The following RABEPK variants were observed in gnomAD, a reference collection of about 807,000 sequenced individuals.
RABEPK encodes the protein 40 kDa Rab9 effector protein.
Under a neutral mutation model 34.1 loss-of-function variants are expected in RABEPK, and 27 were observed. The observed-to-expected ratio is 0.79, with a 90% CI of 0.58 to 1.09. RABEPK has a LOEUF of 1.09. Ranked by LOEUF, RABEPK falls within the 50% of genes least tolerant of loss-of-function variation. RABEPK has a pLI of 0.00. For synonymous variants in RABEPK, 172 were observed against 169.2 expected (o/e 1.02, Z -0.13); for missense variants, 449 against 462.6 (o/e 0.97, Z 0.27).
At chr9:125,230,860 A>AT (rs1832124040) in intron 6 of RABEPK, among the ~76,000 whole-genome samples, 3 of 151,710 alleles carry the variant, frequency 2.0e-5, no homozygotes, top group Non-Finnish European at 4.4e-5. Flanking sequence ...TTTACACAAA[A>AT]CCATTCCTTG....
In RABEPK at chr9:125,227,895, A is replaced by C; in HGVS notation, c.527-15A>C. The C allele has an allele frequency of 6.6e-7, 1 of 1,521,316 alleles. No homozygotes were observed. Among genetic ancestry groups the C allele is most frequent in the Non-Finnish European group, 8.9e-7 (1 of 1,128,798 alleles). 94.2% of individuals were successfully genotyped at this position (1,521,316 alleles called of 1,614,324 possible). ...ATAGTTTTGCCATTTGATGTTATTG[A>C]ATTTACTTTTCTAGACACTCTGACC... On this transcript the variant is annotated splice_polypyrimidine_tract_variant and intron_variant, in intron 5 of 7. Transcript: ENST00000373538.
In RABEPK at chr9:125,220,579, A is replaced by G. The variant is rs1439220401; in HGVS notation, c.405A>G (p.Pro135=). Residue 135 remains proline (P), a synonymous_variant, in exon 5 of 8, where the codon CCA becomes CCG. Transcript: ENST00000373538. ...CCACGCCAGAAGTGACCAGCCCCCC[A>G]CCATCCCCAAGAACATTCCACACAT... ...TWTTPEVTSP[P]PSPRTFHTSS... is the part of the protein sequence containing the mutation. 13 of 1,613,890 alleles carry G rather than the reference A, an allele frequency of 8.1e-6. No individual in the cohort carries two copies. Among genetic ancestry groups the G allele is most frequent in the Non-Finnish European group, 1.0e-5 (12 of 1,179,980 alleles).
intron 6 of RABEPK, among the ~76,000 whole-genome samples, chr9:125,230,981 A>G (rs1345477245): frequency 6.6e-6 from 1 of 152,124 alleles, no homozygotes; most frequent in Non-Finnish European, 1.5e-5. Context: ...CTCTAAATCT[A>G]AAATCCAGTG....
chr9:125,232,536 A>G lies in RABEPK; in HGVS notation c.677-60A>G, dbSNP rs193298690. The G allele has an allele frequency of 2.3e-5, 35 of 1,536,100 alleles. No homozygotes were observed. In the Middle Eastern group the frequency reaches 1.1e-3, roughly 48 times the overall value. On this transcript the variant is annotated intron_variant, in intron 6 of 7. Transcript: ENST00000373538. Reference sequence around the variant, plus strand: ...TTGGTGTGCAAACTACAGTAGATAGATAAGTTTGAAAGCACATCTTAGCCC... The same window carrying G: ...TTGGTGTGCAAACTACAGTAGATAGGTAAGTTTGAAAGCACATCTTAGCCC...
chr9:125,208,575 G>A (rs1023013017), intron 3 of RABEPK, among the ~76,000 whole-genome samples: 4 of 149,670 alleles, frequency 2.7e-5, no homozygotes, highest in African/African-American at 9.9e-5. Flanking sequence ...CCACTCTGTT[G>A]CCAAGGCTGG....
At chr9:125,200,965 C>T (rs1829869276) in intron 1 of RABEPK, 59 bp downstream of exon 1, 2 of 412,366 alleles carry the variant, frequency 4.9e-6, no homozygotes, top group South Asian at 3.6e-5. Flanking sequence ...TAGCCACTCC[C>T]CCACTTCTAC....
intron 5 of RABEPK, 90 bp downstream of exon 5, chr9:125,220,790 C>A: frequency 3.5e-6 from 5 of 1,409,882 alleles, no homozygotes; most frequent in South Asian, 1.5e-5. Flanking sequence ...AAAAGGAAAG[C>A]CTGACTAAGT....
intron 5 of RABEPK, 93 bp from the exon 6 acceptor site, chr9:125,227,817 G>A (rs773880156): frequency 4.3e-5 from 55 of 1,274,670 alleles, no homozygotes; most frequent in Non-Finnish European, 5.0e-5. Context: ...GGACAGCTCC[G>A]CTTGCTAGGA....
Position 125,207,575 on chromosome 9 carries a change from C to G in RABEPK, c.65C>G (p.Thr22Ser). Reference sequence around the variant, plus strand: ...CCTTCCTTTGGCAGGTACACCTTGACTGTCCCTGGAGACAGCCCCTGTGCT... The same window carrying G: ...CCTTCCTTTGGCAGGTACACCTTGAGTGTCCCTGGAGACAGCCCCTGTGCT... ...KPRKATWYTL[T>S]VPGDSPCARV... is the part of the protein sequence containing the mutation. The change falls in exon 3 of 8, where the codon ACT becomes AGT. Residue 22 changes from threonine (T) to serine (S), a missense_variant. By Grantham distance (58) the Thr-to-Ser change is moderately conservative. Transcript: ENST00000373538. The G allele has an allele frequency of 1.9e-6, 3 of 1,614,010 alleles. No homozygotes were observed. Among genetic ancestry groups the G allele is most frequent in the Non-Finnish European group, 2.5e-6 (3 of 1,179,836 alleles).
Position 125,233,755 on chromosome 9 carries a change from G to A in RABEPK, c.894G>A (p.Met298Ile), listed in dbSNP as rs1198528187. The A allele has an allele frequency of 1.9e-6, 3 of 1,613,884 alleles. No individual in the cohort carries two copies. Among genetic ancestry groups the A allele is most frequent in the Admixed American group, 1.7e-5 (1 of 59,992 alleles). ...CCCCTGGACGATTGGACCATTCCAT[G>A]TGTATCATTCCATGGCCAGTGACGT... ...LLPPGRLDHS[M>I]CIIPWPVTCA... The change falls in exon 8 of 8, where the codon ATG becomes ATA. Residue 298 changes from methionine to isoleucine, a missense_variant. Transcript: ENST00000373538.
chr9:125,207,817 G>T, intron 3 of RABEPK, 96 bp downstream of exon 3: 1 of 1,449,654 alleles, frequency 6.9e-7, no homozygotes, highest in East Asian at 2.3e-5. Context: ...ACACCAGCAG[G>T]GTTTTCCTAT....
rs1832277796 is a variant in RABEPK, at chr9:125,232,616, C to G, written c.697C>G (p.Leu233Val). Residue 233 changes from leucine (L) to valine (V), a missense_variant, in exon 7 of 8, where the codon CTA becomes GTA. Transcript: ENST00000373538. ...GGCAGGTGACATGAAATGGCAGAAG[C>G]TAAATCCCACTGGGGCTGCTCCAGC... Reference protein sequence around the residue: ...IDISDMKWQKLNPTGAAPAGC... With the variant: ...IDISDMKWQKVNPTGAAPAGC... 6 of 1,613,252 alleles carry G rather than the reference C, an allele frequency of 3.7e-6. No homozygotes were observed. Among genetic ancestry groups the G allele is most frequent in the African/African-American group, 1.3e-5 (1 of 74,920 alleles).
intron 3 of RABEPK, among the ~76,000 whole-genome samples, chr9:125,209,916 C>T (rs1830477657): frequency 6.6e-6 from 1 of 152,172 alleles, no homozygotes; most frequent in Admixed American, 6.6e-5. Flanking sequence ...CTCATGTGCT[C>T]TTCCATCCTG....
At position 125,233,824 on chromosome 9, in the gene RABEPK, T is replaced by G. The variant is rs200853849; in HGVS notation, c.963T>G (p.His321Gln). The change falls in exon 8 of 8, where the codon CAT (histidine) becomes CAG (glutamine). Residue 321 changes from histidine to glutamine, a missense_variant. Coordinates refer to ENST00000373538, the MANE Select transcript of RABEPK (RefSeq NM_005833.4). The part of the protein sequence containing the change: ...KEDSNSLTLN[H>Q]EAEKEDSADK... ...ATTCCAACTCTCTCACTCTGAACCA[T>G]GAAGCTGAGAAAGAGGATTCAGCTG... is the stretch of plus-strand genomic sequence containing the variant. 187 of 1,614,014 alleles carry G rather than the reference T, an allele frequency of 1.2e-4. No homozygotes were observed. Among genetic ancestry groups the G allele is most frequent in the Non-Finnish European group, 1.5e-4 (177 of 1,180,026 alleles).
chr9:125,203,135 A>G (rs1186705881), intron 2 of RABEPK, 69 bp downstream of exon 2: 3 of 1,362,308 alleles, frequency 2.2e-6, no homozygotes, highest in East Asian at 2.3e-5. Flanking sequence ...GTTTATTTAC[A>G]TATTTGATCA....
chr9:125,223,149 G>A (rs920378831), intron 5 of RABEPK, among the ~76,000 whole-genome samples: 5 of 152,046 alleles, frequency 3.3e-5, no homozygotes, highest in African/African-American at 4.8e-5. Context: ...GAATGGTGGC[G>A]GGCGCCTATA....
chr9:125,209,078 G>A (rs548338359), intron 3 of RABEPK, among the ~76,000 whole-genome samples: 4 of 104,916 alleles, frequency 3.8e-5, no homozygotes, highest in Non-Finnish European at 7.1e-5. Context: ...TTTTTTTTGA[G>A]ACCAAGTCTT....
At chr9:125,233,547 T>A in intron 7 of RABEPK, 141 bp from the exon 8 acceptor site, 3 of 838,532 alleles carry the variant, frequency 3.6e-6, no homozygotes, top group Non-Finnish European at 5.7e-6. Context: ...TTTCACCGTG[T>A]TAGCCAGGAT....
At chr9:125,231,044 T>G (rs899351489) in intron 6 of RABEPK, among the ~76,000 whole-genome samples, 1 of 151,910 alleles carries the variant, frequency 6.6e-6, no homozygotes, top group Non-Finnish European at 1.5e-5. Flanking sequence ...GGCTCACCCC[T>G]GTAATCCCAG....
Sources: gnomAD v4.1 joint callset for allele counts (sites outside exome capture counted in the v4.1 genomes callset) on GRCh38, gnomAD v4.1.1 for gene constraint, MANE v1.5 for transcripts, NCBI Gene and HGNC (gene_info 2026-07-23, HGNC 2026-07-21) for gene names.